ATF7IP2: variants seen among roughly 807,000 people sequenced by gnomAD.
ATF7IP2 encodes activating transcription factor 7-interacting protein 2.
In ATF7IP2, 42 loss-of-function variants were observed where a neutral mutation model predicts 64.2. The ratio of observed to expected loss-of-function variants is 0.65; its 90% CI spans 0.51 to 0.85. The LOEUF (loss-of-function observed/expected upper bound fraction) is 0.85. Among genes scored for constraint, ATF7IP2 ranks in the 40% least tolerant of loss-of-function variants. The pLI, the probability that ATF7IP2 is intolerant of heterozygous loss-of-function variation, is 0.00. For synonymous variants in ATF7IP2, 308 were observed against 272.8 expected, an observed-to-expected ratio of 1.13 and a Z score of -1.27; for missense variants, 933 against 784.2, an observed-to-expected ratio of 1.19 and a Z score of -2.27.
intron 1 of ATF7IP2, among the ~76,000 whole-genome samples, chr16:10,409,380 T>C (rs2047706126): frequency 6.6e-6 from 1 of 152,172 alleles, no homozygotes; most frequent in East Asian, 1.9e-4. Flanking sequence ...ATAAGGAAGT[T>C]AACAAGCTAA....
chr16:10,461,247 T>G (rs1435703248), intron 9 of ATF7IP2, among the ~76,000 whole-genome samples: 1 of 152,094 alleles, frequency 6.6e-6, no homozygotes, highest in Non-Finnish European at 1.5e-5. Context: ...TTTTGTTGCG[T>G]GAGTAAATTG....
intron 1 of ATF7IP2, among the ~76,000 whole-genome samples, chr16:10,409,351 T>C (rs2047705641): frequency 1.3e-5 from 2 of 152,116 alleles, no homozygotes; most frequent in Non-Finnish European, 2.9e-5. Context: ...AACAAGAAAG[T>C]TGAGTTTGAG....
chr16:10,455,005 A>G (rs1343363826), intron 8 of ATF7IP2, among the ~76,000 whole-genome samples: 1 of 152,220 alleles, frequency 6.6e-6, no homozygotes, highest in Non-Finnish European at 1.5e-5. Context: ...CGAATGTTCC[A>G]TGTACAGAAT....
intron 8 of ATF7IP2, chr16:10,447,671 C>G (rs1008061985): frequency 1.3e-5 from 2 of 152,156 alleles, no homozygotes; most frequent in African/African-American, 4.8e-5. Flanking sequence ...AAACAGATCC[C>G]AATTGACTAG....
chr16:10,481,037 G>GAAAC, intron 13 of ATF7IP2, 73 bp downstream of exon 13: 1 of 1,120,420 alleles, frequency 8.9e-7, no homozygotes, highest in Non-Finnish European at 1.4e-6. Flanking sequence ...TACTCTTGAA[G>GAAAC]AAACATTTGG....
chr16:10,463,217 T>G (rs561812053), intron 9 of ATF7IP2, among the ~76,000 whole-genome samples: 1 of 152,312 alleles, frequency 6.6e-6, no homozygotes, highest in Non-Finnish European at 1.5e-5. Flanking sequence ...TTGGAAACTG[T>G]AAAGGCTCTA....
At chr16:10,463,345 G>A (rs1361973106) in intron 9 of ATF7IP2, among the ~76,000 whole-genome samples, 2 of 152,186 alleles carry the variant, frequency 1.3e-5, no homozygotes, top group East Asian at 1.9e-4. Context: ...CCTTTAAAAT[G>A]TGAAGCCTAA....
At chr16:10,471,935 G>T in intron 9 of ATF7IP2, 175 bp from the exon 10 acceptor site, 1 of 425,632 alleles carries the variant, frequency 2.3e-6, no homozygotes, top group Non-Finnish European at 4.2e-6. Flanking sequence ...TAACGGAACT[G>T]GTAATAAATG....
chr16:10,452,971 C>T (rs1266929074), intron 8 of ATF7IP2, among the ~76,000 whole-genome samples: 1 of 152,168 alleles, frequency 6.6e-6, no homozygotes, highest in Non-Finnish European at 1.5e-5. Flanking sequence ...CCTCAGACTG[C>T]TGTGCTGGCA....
chr16:10,447,298 G>T (rs2048841385), intron 8 of ATF7IP2: 1 of 152,206 alleles, frequency 6.6e-6, no homozygotes. Flanking sequence ...TGAGATTCCA[G>T]GTTTATTTGT....
intron 1 of ATF7IP2, among the ~76,000 whole-genome samples, chr16:10,397,533 C>G (rs1338125800): frequency 1.2e-4 from 19 of 152,152 alleles, no homozygotes; most frequent in Admixed American, 1.2e-3. Flanking sequence ...TTACAGTGAG[C>G]TGTGATCTTG....
At chr16:10,431,820 CTTT>C (rs35046235) in intron 5 of ATF7IP2, among the ~76,000 whole-genome samples, 1 of 113,298 alleles carries the variant, frequency 8.8e-6, no homozygotes, top group Non-Finnish European at 1.8e-5. Flanking sequence ...AACCCTATTT[CTTT>C]TTTTTTTTTT....
rs139881744 is a variant in ATF7IP2 at position 10,431,278 on chromosome 16, T to C, written c.658T>C (p.Cys220Arg). The C allele has an allele frequency of 1.1e-5, 18 of 1,614,224 alleles. No individual in the cohort carries two copies. The African/African-American group carries it at 2.3e-4, about 20-fold the overall frequency. ...HDKRQSDNIL[C>R]SEDSGFVPVE... ...TAAAAGGCAAAGTGACAACATTTTA[T>C]GTTCAGAAGACTCAGGTTTTGTGCC... Residue 220 changes from cysteine to arginine, a missense_variant, in exon 5 of 14, where the codon TGT becomes CGT. Transcript: ENST00000562102.
chr16:10,404,566 C>A (rs2047597490), intron 1 of ATF7IP2, among the ~76,000 whole-genome samples: 1 of 151,518 alleles, frequency 6.6e-6, no homozygotes, highest in South Asian at 2.1e-4. Flanking sequence ...TTTTTTGAGA[C>A]AGAATCTCAC....
chr16:10,445,493 C>G (rs2048769961), intron 8 of ATF7IP2: 1 of 146,574 alleles, frequency 6.8e-6, no homozygotes, highest in South Asian at 2.2e-4. Flanking sequence ...ATTCTGGCAG[C>G]TGGAGATTAT....
chr16:10,433,443 G>A (rs1346354714), intron 5 of ATF7IP2, 82 bp from the exon 6 acceptor site: 3 of 1,319,364 alleles, frequency 2.3e-6, no homozygotes, highest in African/African-American at 1.5e-5. Context: ...CCAGAGTGCT[G>A]GGATTACAGA....
At chr16:10,437,876 T>C in intron 6 of ATF7IP2, among the ~76,000 whole-genome samples, 1 of 152,224 alleles carries the variant, frequency 6.6e-6, no homozygotes, top group East Asian at 1.9e-4. Context: ...AGAATAAATT[T>C]AATTTCTAAC....
At chr16:10,444,873 G>A (rs1596533814) in intron 8 of ATF7IP2, among the ~76,000 whole-genome samples, 1 of 152,160 alleles carries the variant, frequency 6.6e-6, no homozygotes, top group East Asian at 1.9e-4. Flanking sequence ...TTCAATTAAT[G>A]CCTTAACTAC....
chr16:10,401,883 C>T (rs111881858), intron 1 of ATF7IP2, among the ~76,000 whole-genome samples: 1,632 of 151,564 alleles, frequency 0.011, 14 homozygotes, highest in Non-Finnish European at 0.016. Flanking sequence ...ATAGGGTTTC[C>T]TGTTTGTCAG....
Sources: gnomAD v4.1 joint callset for allele counts (sites outside exome capture counted in the v4.1 genomes callset) on GRCh38, gnomAD v4.1.1 for gene constraint, MANE v1.5 for transcripts, NCBI Gene and HGNC (gene_info 2026-07-23, HGNC 2026-07-21) for gene names.